Variants in DLG2 observed in about 807,000 individuals in gnomAD.
The protein encoded by DLG2 is discs large MAGUK scaffold protein 2.
A neutral mutation model predicts 132.5 loss-of-function variants in DLG2; 45 were observed. The ratio of observed to expected loss-of-function variants is 0.34; its 90% CI spans 0.27 to 0.44. The LOEUF is 0.44. DLG2 is among the 20% of genes least tolerant of loss of function. The pLI, the probability that DLG2 is intolerant of heterozygous loss-of-function variation, is 1.00. For missense variants in DLG2, 1,045 were observed against 1,196.9 expected, an observed-to-expected ratio of 0.87 and a Z score of 1.87; for synonymous variants, 424 against 419.6, an observed-to-expected ratio of 1.01 and a Z score of -0.13.
chr11:84,764,503 GC>G lies in DLG2; in HGVS notation c.358-229773del, dbSNP rs554431479. 2.2e-4 allele frequency among the ~76,000 whole-genome samples: 34 copies of G among 152,060 alleles called. 1 individual carries two copies. The South Asian group carries it at 6.9e-3, about 31-fold the overall frequency. Reference sequence around the variant, plus strand: ...TCTAAGCACTTTATAATAAAAAATGGCTAATTGAATCCTCACAACAGTCCTA... The same window carrying G: ...TCTAAGCACTTTATAATAAAAAATGGTAATTGAATCCTCACAACAGTCCTA... On this transcript the variant is annotated intron_variant, in intron 6 of 27. Coordinates refer to ENST00000376104, the MANE Select transcript of DLG2 (RefSeq NM_001142699.3).
At chr11:83,947,654 G>A (rs185572896) in intron 14 of DLG2, among the ~76,000 whole-genome samples, 2 of 152,266 alleles carry the variant, frequency 1.3e-5, no homozygotes, top group East Asian at 3.9e-4. Flanking sequence ...TCTGTTTGAA[G>A]TGTTTTACAT....
intron 4 of DLG2, among the ~76,000 whole-genome samples, chr11:85,220,719 C>T (rs1293405996): frequency 6.6e-6 from 1 of 150,788 alleles, no homozygotes. Context: ...ATTTTAGTGT[C>T]CTTCATCTGT....
chr11:83,497,921 A>C (rs909919276), intron 21 of DLG2, among the ~76,000 whole-genome samples: 24 of 152,154 alleles, frequency 1.6e-4, no homozygotes, highest in Admixed American at 4.6e-4. Flanking sequence ...ATTAAAAAAA[A>C]AACAACAACA....
At chr11:85,264,935 G>T (rs1160529329) in intron 4 of DLG2, among the ~76,000 whole-genome samples, 1 of 152,164 alleles carries the variant, frequency 6.6e-6, no homozygotes, top group Non-Finnish European at 1.5e-5. Flanking sequence ...ATCTGATCCT[G>T]TCTATGATCC....
intron 19 of DLG2, among the ~76,000 whole-genome samples, chr11:83,569,985 A>G (rs188664765): frequency 4.9e-4 from 74 of 152,336 alleles, no homozygotes; most frequent in Non-Finnish European, 9.7e-4. Context: ...CCCCATGAAA[A>G]GAGAGAATGA....
intron 2 of DLG2, among the ~76,000 whole-genome samples, chr11:85,601,987 G>A (rs2080196849): frequency 6.6e-6 from 1 of 152,114 alleles, no homozygotes; most frequent in Non-Finnish European, 1.5e-5. Context: ...CTGTAGCTCA[G>A]AACTTTACTC....
intron 3 of DLG2, among the ~76,000 whole-genome samples, chr11:85,377,826 T>TACATATATGTGTGTGTAC (rs2085545204): frequency 6.7e-6 from 1 of 148,734 alleles, no homozygotes; most frequent in African/African-American, 2.5e-5. Flanking sequence ...TGTGTGTGTA[T>TACATATATGTGTGTGTAC]ACATATATAT....
At chr11:84,153,333 G>C (rs2095349447) in intron 9 of DLG2, among the ~76,000 whole-genome samples, 2 of 152,040 alleles carry the variant, frequency 1.3e-5, no homozygotes, top group African/African-American at 4.8e-5. Flanking sequence ...TGGTCATCTT[G>C]TATAGTATCT....
intron 7 of DLG2, among the ~76,000 whole-genome samples, chr11:84,411,644 T>C (rs1367688979): frequency 6.6e-6 from 1 of 152,100 alleles, no homozygotes; most frequent in Non-Finnish European, 1.5e-5. Context: ...TAGGGTTCAA[T>C]TGTTAATAGA....
chr11:84,251,580 TATGTGTAAGGCAAGG>T (rs1170333405), intron 7 of DLG2, among the ~76,000 whole-genome samples: 2 of 151,990 alleles, frequency 1.3e-5, no homozygotes, highest in Non-Finnish European at 2.9e-5. Context: ...GGATTTCTGC[TATGTGTAAGGCAAGG>T]ATTTCTAATA....
At chr11:84,775,656 T>A (rs936869849) in intron 6 of DLG2, among the ~76,000 whole-genome samples, 1 of 152,014 alleles carries the variant, frequency 6.6e-6, no homozygotes, top group Non-Finnish European at 1.5e-5. Context: ...TTTAGACAAA[T>A]TAACAGAAAA....
chr11:83,544,528 T>C (rs1379170298), intron 19 of DLG2, among the ~76,000 whole-genome samples: 2 of 152,076 alleles, frequency 1.3e-5, no homozygotes, highest in Non-Finnish European at 2.9e-5. Flanking sequence ...GGCAGCAACC[T>C]AGGACCAGAA....
At chr11:85,180,771 A>T (rs149506110) in intron 4 of DLG2, among the ~76,000 whole-genome samples, 1 of 151,982 alleles carries the variant, frequency 6.6e-6, no homozygotes, top group Non-Finnish European at 1.5e-5. Context: ...AGGGGAAAAG[A>T]TCCACAAAAG....
chr11:83,634,966 A>G (rs1309318890), intron 18 of DLG2, among the ~76,000 whole-genome samples: 1 of 152,234 alleles, frequency 6.6e-6, no homozygotes, highest in Non-Finnish European at 1.5e-5. Flanking sequence ...AAATGATTAA[A>G]TAAGTAGAAC....
intron 3 of DLG2, among the ~76,000 whole-genome samples, chr11:85,417,650 ACTT>A (rs2089976042): frequency 2.0e-5 from 3 of 152,116 alleles, no homozygotes; most frequent in Admixed American, 6.6e-5. Context: ...CAGGGATTCA[ACTT>A]CTTCTTGCTT....
At chr11:84,111,502 A>G (rs1395258945) in intron 9 of DLG2, among the ~76,000 whole-genome samples, 3 of 152,218 alleles carry the variant, frequency 2.0e-5, no homozygotes, top group Non-Finnish European at 1.5e-5. Context: ...ATGCCCATTG[A>G]CAGCAAATGC....
chr11:84,502,465 G>C lies in DLG2; in HGVS notation c.519+32105C>G, dbSNP rs11234052. 2.8e-4 allele frequency among the ~76,000 whole-genome samples: 40 copies of C among 145,086 alleles called. 1 individual carries two copies. Among genetic ancestry groups the C allele is most frequent in the African/African-American group, 9.4e-4 (36 of 38,464 alleles). On this transcript the variant is annotated intron_variant, in intron 7 of 27. Transcript: ENST00000376104. ...AGGCTAAGTGCAGTGTCTCAATCTC[G>C]GCTCACTGCAGCCTCCATCTCCCAG... is the stretch of plus-strand genomic sequence containing the variant.
intron 6 of DLG2, among the ~76,000 whole-genome samples, chr11:84,859,752 T>G (rs1039997135): frequency 2.0e-5 from 3 of 152,002 alleles, no homozygotes; most frequent in Admixed American, 2.0e-4. Context: ...CTCTTCATTT[T>G]CCTCAGCACC....
chr11:83,652,022 T>C, intron 18 of DLG2: 1 of 323,250 alleles, frequency 3.1e-6, no homozygotes, highest in South Asian at 2.7e-5. Context: ...GTTAGAGAAT[T>C]GAATTCACAG....
Sources: allele counts gnomAD v4.1 joint callset (sites outside exome capture counted in the v4.1 genomes callset), GRCh38; gene constraint gnomAD v4.1.1; transcripts MANE v1.5; gene names NCBI Gene and HGNC (gene_info 2026-07-23, HGNC 2026-07-21).